The following POLA2 variants were observed in gnomAD, a reference collection of about 807,000 sequenced individuals.
POLA2 encodes the protein DNA polymerase alpha subunit B.
In POLA2, 47 loss-of-function variants were observed where a neutral mutation model predicts 82.8. That is an observed-to-expected ratio of 0.57 (90% CI 0.45 to 0.72). The LOEUF is 0.72. Among genes scored for constraint, POLA2 ranks in the 30% least tolerant of loss-of-function variants. POLA2 has a pLI of 0.00. For missense variants in POLA2, 634 were observed against 728.1 expected (o/e 0.87, Z 1.49); for synonymous variants, 287 against 286.8 (o/e 1.00, Z -0.01).
intron 1 of POLA2, among the ~76,000 whole-genome samples, chr11:65,263,220 CTTT>C (rs547474910): frequency 1.6e-4 from 20 of 123,202 alleles, no homozygotes; most frequent in Admixed American, 7.7e-4. Flanking sequence ...CTCTCTCTCT[CTTT>C]TTTTTTTTTT....
At chr11:65,279,663 T>A (rs74577714) in intron 7 of POLA2, 37 bp downstream of exon 7, 1 of 1,418,882 alleles carries the variant, frequency 7.0e-7, no homozygotes, top group Non-Finnish European at 9.9e-7. Flanking sequence ...TAATTAATAT[T>A]ACGTTTTTAA....
chr11:65,274,446 G>A (rs1376009732), intron 4 of POLA2, among the ~76,000 whole-genome samples: 1 of 151,808 alleles, frequency 6.6e-6, no homozygotes, highest in African/African-American at 2.4e-5. Context: ...TTGGGAGGCC[G>A]AGGCAGGTGG....
intron 1 of POLA2, among the ~76,000 whole-genome samples, chr11:65,265,885 C>G (rs756446440): frequency 6.6e-6 from 1 of 152,204 alleles, no homozygotes; most frequent in Non-Finnish European, 1.5e-5. Flanking sequence ...GATCTTTTCT[C>G]CCTTCTAGAT....
rs1240640319 is a variant in POLA2, at chr11:65,278,717, T to C, written c.462-13T>C. ...TGAACACAGTAATATTAACCTGTTT[T>C]GCTTCCAATTAGTGCTACTCCCTCC... On this transcript the variant is annotated splice_polypyrimidine_tract_variant and intron_variant, in intron 5 of 17. Coordinates refer to ENST00000265465, the MANE Select transcript of POLA2 (RefSeq NM_002689.4). 6.2e-7 allele frequency: 1 copy of C among 1,607,372 alleles called. No individual in the cohort carries two copies. The highest frequency in any genetic ancestry group is 1.3e-5 in the African/African-American group (1 of 74,764).
At chr11:65,288,538 G>A (rs1328552081) in intron 11 of POLA2, among the ~76,000 whole-genome samples, 1 of 129,746 alleles carries the variant, frequency 7.7e-6, no homozygotes, top group African/African-American at 2.8e-5. Flanking sequence ...TTGGGACAGA[G>A]TTTCACTCTG....
At chr11:65,305,771 C>T (rs945325275), downstream of POLA2, among the ~76,000 whole-genome samples, 7 of 152,156 alleles carry the variant, frequency 4.6e-5, no homozygotes, top group African/African-American at 1.2e-4. Context: ...CAGCAGCGCT[C>T]GTGCATGTGT....
chr11:65,264,440 G>A (rs1239328663), intron 1 of POLA2, among the ~76,000 whole-genome samples: 2 of 151,940 alleles, frequency 1.3e-5, no homozygotes, highest in African/African-American at 4.8e-5. Flanking sequence ...CCTGACCTCA[G>A]GTGATCCGCC....
chr11:65,283,260 T>A (rs575937554), intron 10 of POLA2, among the ~76,000 whole-genome samples: 1 of 152,346 alleles, frequency 6.6e-6, no homozygotes, highest in Non-Finnish European at 1.5e-5. Context: ...TTTACTTTTT[T>A]ATTTTTCTGG....
intron 15 of POLA2, among the ~76,000 whole-genome samples, chr11:65,295,137 T>C (rs1949796157): frequency 6.6e-6 from 1 of 152,206 alleles, no homozygotes; most frequent in Non-Finnish European, 1.5e-5. Flanking sequence ...TCATCCTTGA[T>C]GGGAAGGGGC....
intron 1 of POLA2, among the ~76,000 whole-genome samples, chr11:65,265,719 C>T (rs1949452728): frequency 6.6e-6 from 1 of 152,200 alleles, no homozygotes; most frequent in Non-Finnish European, 1.5e-5. Context: ...TTCAAACAGT[C>T]TGCCCACCTC....
intron 4 of POLA2, among the ~76,000 whole-genome samples, chr11:65,275,520 A>G (rs951727178): frequency 2.0e-5 from 3 of 152,234 alleles, no homozygotes; most frequent in Non-Finnish European, 4.4e-5. Context: ...TTCTCAGGAA[A>G]ATGTGTACAC....
chr11:65,275,903 G>A lies in POLA2; in HGVS notation c.366G>A (p.Lys122=). Residue 122 remains lysine (K), a synonymous_variant, in exon 5 of 18, where the codon AAG becomes AAA. Transcript: ENST00000265465. The stretch of plus-strand genomic sequence containing the variant: ...TTTTTTTTCCCTAGGGTTCTCAGAA[G>A]CGAGCTATCTCTACCCCAGAAACCC... ...SYTTPSKGSQ[K]RAISTPETPL... 2 of 1,603,992 alleles carry A rather than the reference G, an allele frequency of 1.2e-6. No homozygotes were observed. The highest frequency in any genetic ancestry group is 1.7e-5 in the Admixed American group (1 of 58,958).
intron 15 of POLA2, among the ~76,000 whole-genome samples, chr11:65,295,302 G>C (rs767203623): frequency 5.9e-5 from 9 of 152,174 alleles, no homozygotes; most frequent in Non-Finnish European, 1.3e-4. Flanking sequence ...CCTTGATCTT[G>C]ATTATGAGGG....
At chr11:65,270,928 C>T (rs1949514855) in intron 4 of POLA2, among the ~76,000 whole-genome samples, 1 of 152,196 alleles carries the variant, frequency 6.6e-6, no homozygotes, top group Non-Finnish European at 1.5e-5. Context: ...ATGTGAAGTT[C>T]TGTAGGAGCT....
chr11:65,266,825 A>T (rs1949466012), intron 2 of POLA2, 119 bp downstream of exon 2: 2 of 995,368 alleles, frequency 2.0e-6, no homozygotes, highest in African/African-American at 1.6e-5. Context: ...TTCCAGTCCC[A>T]GTGTGAGCTT....
intron 1 of POLA2, among the ~76,000 whole-genome samples, chr11:65,265,894 A>G (rs111542384): frequency 6.6e-6 from 1 of 152,162 alleles, no homozygotes; most frequent in African/African-American, 2.4e-5. Flanking sequence ...TCCCTTCTAG[A>G]TACGCTCACT....
At chr11:65,289,969 C>T in intron 13 of POLA2, 97 bp downstream of exon 13, 1 of 784,448 alleles carries the variant, frequency 1.3e-6, no homozygotes, top group South Asian at 1.5e-5. Context: ...CGTGGCAGGG[C>T]CAGGCTCAGT....
chr11:65,272,952 A>C (rs1949537517), intron 4 of POLA2, among the ~76,000 whole-genome samples: 1 of 151,594 alleles, frequency 6.6e-6, no homozygotes, highest in Non-Finnish European at 1.5e-5. Context: ...CGGAGGTTGC[A>C]GTGAGCTGAG....
At chr11:65,281,995 G>A (rs754867390) in intron 9 of POLA2, among the ~76,000 whole-genome samples, 4 of 152,200 alleles carry the variant, frequency 2.6e-5, no homozygotes, top group East Asian at 3.8e-4. Context: ...AGCAGCCATA[G>A]AGGACTCTTA....
Sources: gnomAD v4.1 joint callset for allele counts (sites outside exome capture counted in the v4.1 genomes callset) on GRCh38, gnomAD v4.1.1 for gene constraint, MANE v1.5 for transcripts, NCBI Gene and HGNC (gene_info 2026-07-23, HGNC 2026-07-21) for gene names.